ZNF608: variants seen among roughly 807,000 people sequenced by gnomAD.
ZNF608 encodes renal carcinoma antigen NY-REN-36.
ZNF608 carries 12 observed loss-of-function variants against 109.0 expected under a neutral mutation model. The observed-to-expected ratio is 0.11, with a 90% CI of 0.07 to 0.18. The LOEUF is 0.18. ZNF608 is among the 10% of genes least tolerant of loss of function. The pLI, the probability that ZNF608 is intolerant of heterozygous loss-of-function variation, is 1.00. For missense variants in ZNF608, 1,707 were observed against 1,879.3 expected, an observed-to-expected ratio of 0.91 and a Z score of 1.70; for synonymous variants, 732 against 717.4, an observed-to-expected ratio of 1.02 and a Z score of -0.33.
intron 3 of ZNF608, among the ~76,000 whole-genome samples, chr5:124,679,759 A>G (rs1193808479): frequency 6.6e-6 from 1 of 152,218 alleles, no homozygotes; most frequent in Admixed American, 6.5e-5. Context: ...GCTCTGGGGA[A>G]TACACCCTGC....
chr5:124,708,783 G>T (rs751671357), intron 2 of ZNF608: 2 of 456,066 alleles, frequency 4.4e-6, no homozygotes, highest in Non-Finnish European at 8.8e-6. Flanking sequence ...ACTTGGCCTG[G>T]GGATGGACCA....
chr5:124,691,006 T>C (rs1232352224), intron 3 of ZNF608, among the ~76,000 whole-genome samples: 1 of 151,758 alleles, frequency 6.6e-6, no homozygotes, highest in East Asian at 1.9e-4. Context: ...ACACAATTTT[T>C]CATTGGGTTA....
chr5:124,695,107 A>G (rs1015458790), intron 3 of ZNF608, among the ~76,000 whole-genome samples: 1 of 152,196 alleles, frequency 6.6e-6, no homozygotes, highest in Non-Finnish European at 1.5e-5. Flanking sequence ...CGCAGGAGTC[A>G]TAAGAAGCAT....
chr5:124,744,585 C>T lies in ZNF608; in HGVS notation c.405G>A (p.Lys135=). Residue 135 remains lysine (K), a synonymous_variant, in exon 2 of 10, where the codon AAG becomes AAA. Coordinates refer to ENST00000513986, the MANE Select transcript of ZNF608 (RefSeq NM_020747.3). The surrounding 1 kb of genome is among the most constrained non-coding windows in gnomAD (Gnocchi z 4.5). ...CAGGGCGCCCTTGGACTTCCTGCCT[C>T]TTGCCAGTGCTGCTGATCTCGGGAA... The part of the protein sequence containing the change: ...YGIPEISSTG[K]RQEVQGRPGE... 6.2e-7 allele frequency: 1 copy of T among 1,614,250 alleles called. No individual in the cohort carries two copies.
At chr5:124,742,551 G>A (rs559799811) in intron 2 of ZNF608, among the ~76,000 whole-genome samples, 1 of 152,232 alleles carries the variant, frequency 6.6e-6, no homozygotes, top group South Asian at 2.1e-4. Flanking sequence ...ACCTTTTAGC[G>A]GAAATAATGT....
At chr5:124,735,401 G>T (rs1749101031) in intron 2 of ZNF608, among the ~76,000 whole-genome samples, 1 of 139,486 alleles carries the variant, frequency 7.2e-6, no homozygotes, top group Non-Finnish European at 1.6e-5. Context: ...TCGGGAACGC[G>T]CAGCCCCGGG....
chr5:124,719,984 T>A (rs1025259819), intron 2 of ZNF608, among the ~76,000 whole-genome samples: 1 of 152,192 alleles, frequency 6.6e-6, no homozygotes, highest in African/African-American at 2.4e-5. Flanking sequence ...CATACTCTCT[T>A]ATGATCGTTG....
chr5:124,689,054 G>A (rs192272224), intron 3 of ZNF608, among the ~76,000 whole-genome samples: 22 of 152,270 alleles, frequency 1.4e-4, no homozygotes, highest in African/African-American at 5.1e-4. Context: ...TGAAAAAGGT[G>A]AAATACTTAG....
At position 124,716,157 on chromosome 5, in the gene ZNF608, A is replaced by G. The variant is rs189117283; in HGVS notation, c.907-14888T>C. On this transcript the variant is annotated intron_variant, in intron 2 of 9. Coordinates refer to ENST00000513986, the MANE Select transcript of ZNF608 (RefSeq NM_020747.3). ...GAATCCGTCTCAAAAAAAAAAAAAAAAAAAAAGAAAAGAAAGAAACTCTAA... is the reference window on the plus strand; with the variant it reads ...GAATCCGTCTCAAAAAAAAAAAAAAGAAAAAAGAAAAGAAAGAAACTCTAA... Among the ~76,000 whole-genome samples the G allele has an allele frequency of 4.8e-3, 721 of 151,196 alleles. 5 individuals are homozygous for G. The highest frequency in any genetic ancestry group is 0.016 in the African/African-American group (669 of 41,380).
At chr5:124,672,007 GA>G (rs2149814841) in intron 3 of ZNF608, among the ~76,000 whole-genome samples, 1 of 151,766 alleles carries the variant, frequency 6.6e-6, no homozygotes, top group African/African-American at 2.4e-5. Context: ...ATTCTACAGA[GA>G]AAAAAAGAAT....
intron 2 of ZNF608, among the ~76,000 whole-genome samples, chr5:124,721,176 A>T (rs1326596708): frequency 6.6e-6 from 1 of 152,234 alleles, no homozygotes; most frequent in Non-Finnish European, 1.5e-5. Context: ...TATACAGATG[A>T]CAATACTGTT....
intron 3 of ZNF608, among the ~76,000 whole-genome samples, chr5:124,674,778 T>C (rs979873231): frequency 3.9e-5 from 6 of 152,136 alleles, no homozygotes; most frequent in African/African-American, 1.4e-4. Context: ...ACCTGGCTAA[T>C]TTTTTTATTC....
rs561467927 is a variant in ZNF608 at position 124,721,313 on chromosome 5, T to C, written c.907-20044A>G. ...TGGAGACAGTTTTAAGGCTCTTTTT[T>C]CCTCTGTAACCCTACTAAAAGAGAA... is the stretch of plus-strand genomic sequence containing the variant. On this transcript the variant is annotated intron_variant, in intron 2 of 9. Transcript: ENST00000513986. 1.1e-4 allele frequency among the ~76,000 whole-genome samples: 16 copies of C among 152,302 alleles called. No individual in the cohort carries two copies. The South Asian group carries it at 3.1e-3, about 30-fold the overall frequency.
intron 2 of ZNF608, among the ~76,000 whole-genome samples, chr5:124,742,837 T>G (rs896348289): frequency 6.6e-6 from 1 of 152,100 alleles, no homozygotes; most frequent in African/African-American, 2.4e-5. Context: ...CAAAGACATA[T>G]TATCACCACT....
intron 2 of ZNF608, among the ~76,000 whole-genome samples, chr5:124,702,932 A>T (rs1158902219): frequency 6.6e-6 from 1 of 152,326 alleles, no homozygotes; most frequent in South Asian, 2.1e-4. Context: ...TTTAAAACTG[A>T]GCTGACAAAT....
intron 5 of ZNF608, among the ~76,000 whole-genome samples, chr5:124,646,001 C>T (rs1750479815): frequency 6.6e-6 from 1 of 152,168 alleles, no homozygotes; most frequent in East Asian, 1.9e-4. Flanking sequence ...AGATAAGACT[C>T]AGAATCTCAG....
chr5:124,664,928 C>A (rs925722519), intron 3 of ZNF608, among the ~76,000 whole-genome samples: 1 of 152,154 alleles, frequency 6.6e-6, no homozygotes, highest in African/African-American at 2.4e-5. Flanking sequence ...GTAATCCCAG[C>A]ACTTTGGGAG....
At chr5:124,732,544 C>CAA (rs779598186) in intron 2 of ZNF608, among the ~76,000 whole-genome samples, 2 of 101,844 alleles carry the variant, frequency 2.0e-5, no homozygotes, top group Non-Finnish European at 2.1e-5. Context: ...TTTGTTTGTT[C>CAA]AAAAAAAAAA....
chr5:124,712,577 T>C (rs1430326004), intron 2 of ZNF608, among the ~76,000 whole-genome samples: 1 of 152,070 alleles, frequency 6.6e-6, no homozygotes, highest in Admixed American at 6.6e-5. Flanking sequence ...GTGGGGTGAC[T>C]AATCTATGGA....
Sources: allele counts gnomAD v4.1 joint callset (sites outside exome capture counted in the v4.1 genomes callset), GRCh38; gene constraint gnomAD v4.1.1; non-coding constraint Gnocchi (gnomAD v3.1); transcripts MANE v1.5; gene names NCBI Gene and HGNC (gene_info 2026-07-23, HGNC 2026-07-21).